The following DPP10 variants were observed in gnomAD, a reference collection of about 807,000 sequenced individuals.
DPP10 encodes dipeptidyl peptidase like 10.
In DPP10, 33 loss-of-function variants were observed where a neutral mutation model predicts 120.9. The observed-to-expected ratio is 0.27, with a 90% CI of 0.21 to 0.37. DPP10 has a LOEUF of 0.37. DPP10 is among the 10% of genes least tolerant of loss of function. The pLI is 1.00. For synonymous variants in DPP10, 337 were observed against 326.1 expected, an observed-to-expected ratio of 1.03 and a Z score of -0.36; for missense variants, 816 against 942.8, an observed-to-expected ratio of 0.87 and a Z score of 1.76.
At chr2:114,689,144 T>A (rs531934797) in intron 1 of DPP10, among the ~76,000 whole-genome samples, 204 of 152,026 alleles carry the variant, frequency 1.3e-3, no homozygotes, top group African/African-American at 3.1e-3. Flanking sequence ...GGTAAACATG[T>A]GCCATGGTGT....
At chr2:115,121,393 G>C (rs1035135079) in intron 1 of DPP10, among the ~76,000 whole-genome samples, 1 of 152,240 alleles carries the variant, frequency 6.6e-6, no homozygotes, top group African/African-American at 2.4e-5. Context: ...GAACCCAAAA[G>C]AGAAATTTAT....
chr2:115,127,483 G>C (rs934321942), intron 1 of DPP10, among the ~76,000 whole-genome samples: 2 of 152,092 alleles, frequency 1.3e-5, no homozygotes, highest in African/African-American at 4.8e-5. Flanking sequence ...GAAACCTAGA[G>C]TCAGATGGCA....
chr2:114,770,857 C>G (rs534685048), intron 1 of DPP10, among the ~76,000 whole-genome samples: 5 of 151,070 alleles, frequency 3.3e-5, no homozygotes, highest in Non-Finnish European at 7.4e-5. Context: ...CTCATATACT[C>G]AAAATTTTTG....
chr2:115,360,481 T>C (rs1201484020), intron 3 of DPP10, among the ~76,000 whole-genome samples: 1 of 152,198 alleles, frequency 6.6e-6, no homozygotes, highest in African/African-American at 2.4e-5. Context: ...TGCGTTCCAT[T>C]AGATGGCATT....
intron 1 of DPP10, among the ~76,000 whole-genome samples, chr2:114,983,637 T>C (rs1303769082): frequency 6.6e-6 from 1 of 152,134 alleles, no homozygotes; most frequent in Non-Finnish European, 1.5e-5. Flanking sequence ...GAGCTGTCAA[T>C]GAATTTACTA....
At chr2:115,796,230 G>A (rs1481190256) in intron 19 of DPP10, among the ~76,000 whole-genome samples, 1 of 152,004 alleles carries the variant, frequency 6.6e-6, no homozygotes, top group Non-Finnish European at 1.5e-5. Context: ...GAGTTTGCCT[G>A]CCCACCTGGA....
intron 5 of DPP10, among the ~76,000 whole-genome samples, chr2:115,603,609 G>A (rs1435512360): frequency 1.6e-5 from 2 of 121,768 alleles, no homozygotes; most frequent in Admixed American, 9.9e-5. Context: ...CTCTAACCAC[G>A]TAAACCTAAT....
At chr2:114,882,668 C>T (rs536601867) in intron 1 of DPP10, among the ~76,000 whole-genome samples, 2 of 151,934 alleles carry the variant, frequency 1.3e-5, no homozygotes, top group African/African-American at 4.8e-5. Context: ...CCCTGTACCC[C>T]AAAAACAATT....
chr2:115,620,664 A>G (rs903176240), intron 5 of DPP10, among the ~76,000 whole-genome samples: 4 of 152,202 alleles, frequency 2.6e-5, no homozygotes, highest in African/African-American at 9.6e-5. Flanking sequence ...TCATTTCCCC[A>G]TATGGGGTAC....
chr2:115,198,540 A>C (rs1253389418), intron 1 of DPP10, among the ~76,000 whole-genome samples: 1 of 152,166 alleles, frequency 6.6e-6, no homozygotes, highest in Non-Finnish European at 1.5e-5. Context: ...ACTGGTCTGG[A>C]ATTATCTTCT....
In DPP10 at chr2:115,814,906, G is replaced by A. The variant is rs866682006; in HGVS notation, c.1814G>A (p.Gly605Glu). Residue 605 changes from glycine (G) to glutamate (E), a missense_variant, in exon 20 of 26, where the codon GGA becomes GAA. This residue lies in a region of DPP10 where 592 missense variants were observed against 649.0 expected (regional missense o/e 0.91). Transcript: ENST00000410059. ...IVARFDGRGS[G>E]FQGLKILQEI... ...GCAAGATTTGATGGCAGAGGAAGTG[G>A]ATTCCAGGGTCTGAAAATTTTGCAG... The A allele has an allele frequency of 6.2e-7, 1 of 1,613,054 alleles. No individual in the cohort carries two copies. Among genetic ancestry groups the A allele is most frequent in the East Asian group, 2.2e-5 (1 of 44,836 alleles).
intron 1 of DPP10, among the ~76,000 whole-genome samples, chr2:114,794,951 A>G (rs1008652009): frequency 3.9e-5 from 6 of 152,218 alleles, no homozygotes; most frequent in Non-Finnish European, 8.8e-5. Context: ...ATCACTATTA[A>G]TAATCTAGAA....
At chr2:115,477,421 G>A (rs768078497) in intron 3 of DPP10, among the ~76,000 whole-genome samples, 1 of 151,992 alleles carries the variant, frequency 6.6e-6, no homozygotes, top group African/African-American at 2.4e-5. Context: ...GCACCAAAAG[G>A]ATTAAAATAT....
intron 1 of DPP10, chr2:115,234,735 A>C (rs150716467): frequency 6.6e-6 from 1 of 152,226 alleles, no homozygotes. Flanking sequence ...GTTCTGAAAT[A>C]TATAATTCTT....
At chr2:115,767,778 A>C (rs555363020) in intron 12 of DPP10, among the ~76,000 whole-genome samples, 1 of 152,218 alleles carries the variant, frequency 6.6e-6, no homozygotes, top group South Asian at 2.1e-4. Context: ...AATCCTTTCA[A>C]TTTCGTGGCC....
chr2:114,679,731 T>G (rs974311213), intron 1 of DPP10, among the ~76,000 whole-genome samples: 10 of 152,016 alleles, frequency 6.6e-5, no homozygotes, highest in African/African-American at 2.4e-4. Context: ...AATACATTTT[T>G]GAGAAGGATT....
At chr2:114,544,848 CA>C (rs988799271) in intron 1 of DPP10, among the ~76,000 whole-genome samples, 11 of 151,470 alleles carry the variant, frequency 7.3e-5, no homozygotes, top group Non-Finnish European at 1.6e-4. Flanking sequence ...ATGTTTATGT[CA>C]ATATATTAAA....
intron 1 of DPP10, among the ~76,000 whole-genome samples, chr2:114,804,571 C>CCTGG (rs1342599972): frequency 1.1e-4 from 16 of 152,196 alleles, no homozygotes; most frequent in Non-Finnish European, 2.4e-4. Flanking sequence ...GGATGTGAGA[C>CCTGG]CTGGAGTCAA....
chr2:115,029,625 T>C (rs967034583), intron 1 of DPP10, among the ~76,000 whole-genome samples: 1 of 152,096 alleles, frequency 6.6e-6, no homozygotes, highest in African/African-American at 2.4e-5. Flanking sequence ...TTTCTTTCAG[T>C]GTTGGTTCTT....
Sources: gnomAD v4.1 joint callset for allele counts (sites outside exome capture counted in the v4.1 genomes callset) on GRCh38, gnomAD v4.1.1 for gene constraint, gnomAD v4.1.1 regional missense constraint, MANE v1.5 for transcripts, NCBI Gene and HGNC (gene_info 2026-07-23, HGNC 2026-07-21) for gene names.